ATE1: variants seen among roughly 807,000 people sequenced by gnomAD.
ATE1 encodes the protein arginyl-tRNA--protein transferase 1.
In ATE1, 36 loss-of-function variants were observed where a neutral mutation model predicts 70.5. That is an observed-to-expected ratio of 0.51 (90% CI 0.39 to 0.67). ATE1 has a LOEUF of 0.67. Ranked by LOEUF, ATE1 falls within the 30% of genes least tolerant of loss-of-function variation. The pLI is 0.00. For synonymous variants in ATE1, 232 were observed against 219.3 expected (o/e 1.06, Z -0.51); for missense variants, 593 against 629.5 (o/e 0.94, Z 0.62).
chr10:121,893,327 C>T (rs1389583717), intron 7 of ATE1, among the ~76,000 whole-genome samples: 1 of 149,858 alleles, frequency 6.7e-6, no homozygotes, highest in Non-Finnish European at 1.5e-5. Context: ...GATAATTGTA[C>T]CATTGGGACA....
Position 121,790,166 on chromosome 10 carries a change from T to A in ATE1, c.1378+3A>T, listed in dbSNP as rs1303297242. 1 of 1,613,668 alleles carries A rather than the reference T, an allele frequency of 6.2e-7. No individual in the cohort carries two copies. The highest frequency in any genetic ancestry group is 1.3e-5 in the African/African-American group (1 of 74,880). On this transcript the variant is annotated splice_donor_region_variant and intron_variant, in intron 11 of 11. Transcript: ENST00000224652. ...TTCCAGCTGAGCTCAGCTCCAAACA[T>A]ACCTGCTTCTGGGTCCTGGTTGAAA... is the stretch of plus-strand genomic sequence containing the variant.
At chr10:121,876,914 C>T (rs1448689067) in intron 7 of ATE1, among the ~76,000 whole-genome samples, 1 of 149,234 alleles carries the variant, frequency 6.7e-6, no homozygotes, top group Admixed American at 6.7e-5. Flanking sequence ...TGCAGTGAGC[C>T]GAGATAGCGC....
intron 10 of ATE1, among the ~76,000 whole-genome samples, chr10:121,802,591 G>A (rs900625684): frequency 6.6e-6 from 1 of 152,182 alleles, no homozygotes; most frequent in African/African-American, 2.4e-5. Flanking sequence ...TTACAGGCGT[G>A]AGCCACCGCA....
At chr10:121,766,886 A>C (rs920259421) in intron 11 of ATE1, among the ~76,000 whole-genome samples, 5 of 152,202 alleles carry the variant, frequency 3.3e-5, no homozygotes, top group African/African-American at 1.2e-4. Context: ...AAATTCGAAC[A>C]AACATTTAAA....
At chr10:121,804,874 G>A (rs188902478) in intron 10 of ATE1, among the ~76,000 whole-genome samples, 3 of 152,080 alleles carry the variant, frequency 2.0e-5, no homozygotes, top group Non-Finnish European at 4.4e-5. Flanking sequence ...CACAACCATA[G>A]CAGTTTATGA....
chr10:121,750,420 C>T (rs1453938400), intron 11 of ATE1, among the ~76,000 whole-genome samples: 3 of 152,202 alleles, frequency 2.0e-5, no homozygotes, highest in Non-Finnish European at 2.9e-5. Flanking sequence ...CAACCAAAGG[C>T]AATCCTGCAA....
chr10:121,926,608 A>G, intron 1 of ATE1: 1 of 562,712 alleles, frequency 1.8e-6, no homozygotes, highest in Non-Finnish European at 2.3e-6. Context: ...ATAAGTAATG[A>G]CCTATTAAAA....
At position 121,745,351 on chromosome 10, in the gene ATE1, G is replaced by A. The variant is rs537977180; in HGVS notation, c.1379-1493C>T. Among the ~76,000 whole-genome samples the A allele has an allele frequency of 1.2e-4, 19 of 152,106 alleles. No individual in the cohort carries two copies. The South Asian group carries it at 2.7e-3, about 22-fold the overall frequency. On this transcript the variant is annotated intron_variant, in intron 11 of 11. Transcript: ENST00000224652. ...ATACCAAAGCCTGGATCCCCTCCCC[G>A]GAGATCCTAATACAAAAACTACTCT...
At chr10:121,816,785 A>G (rs1282508503) in intron 10 of ATE1, among the ~76,000 whole-genome samples, 1 of 152,226 alleles carries the variant, frequency 6.6e-6, no homozygotes, top group Non-Finnish European at 1.5e-5. Flanking sequence ...TTTGTAAATC[A>G]AACTATTTGT....
Position 121,809,897 on chromosome 10 carries a change from C to CA in ATE1, c.1258-19609dup, listed in dbSNP as rs1947250046. Among the ~76,000 whole-genome samples the CA allele has an allele frequency of 5.4e-5, 8 of 148,446 alleles. No homozygotes were observed. In the South Asian group the frequency reaches 1.5e-3, roughly 28 times the overall value. ...GAAAGCCACAAAAAACAAAACAAAA[C>CA]AAAACAAAAAAAAAAACAATGCACC... On this transcript the variant is annotated intron_variant, in intron 10 of 11. Transcript: ENST00000224652.
chr10:121,767,945 C>T (rs1212752758), intron 11 of ATE1, among the ~76,000 whole-genome samples: 1 of 152,188 alleles, frequency 6.6e-6, no homozygotes, highest in Non-Finnish European at 1.5e-5. Flanking sequence ...CAGCATCATT[C>T]ACAATAGCCA....
intron 1 of ATE1, among the ~76,000 whole-genome samples, chr10:121,924,531 T>G (rs1261866111): frequency 1.3e-5 from 2 of 152,056 alleles, no homozygotes; most frequent in East Asian, 3.9e-4. Context: ...AAACCCCATC[T>G]CTACTAAAAA....
chr10:121,838,756 T>C (rs1479315280), intron 9 of ATE1, among the ~76,000 whole-genome samples: 1 of 152,116 alleles, frequency 6.6e-6, no homozygotes, highest in Non-Finnish European at 1.5e-5. Flanking sequence ...TGTATCTTTC[T>C]AAAAATATGC....
intron 8 of ATE1, among the ~76,000 whole-genome samples, chr10:121,865,107 T>C (rs1366039285): frequency 5.3e-5 from 8 of 152,242 alleles, no homozygotes; most frequent in Non-Finnish European, 1.2e-4. Flanking sequence ...TGTCACATAC[T>C]AGTAGCTGTG....
chr10:121,920,369 A>T (rs530366273), intron 3 of ATE1, among the ~76,000 whole-genome samples: 10 of 144,878 alleles, frequency 6.9e-5, no homozygotes, highest in South Asian at 4.2e-4. Context: ...CCTTTTCTAT[A>T]AAAAAAAATG....
At chr10:121,751,854 T>C (rs1944592439) in intron 11 of ATE1, among the ~76,000 whole-genome samples, 1 of 152,172 alleles carries the variant, frequency 6.6e-6, no homozygotes, top group East Asian at 1.9e-4. Context: ...CTGTGCTTTT[T>C]GTATCATATC....
At chr10:121,812,616 C>A (rs1484545583) in intron 10 of ATE1, among the ~76,000 whole-genome samples, 1 of 151,934 alleles carries the variant, frequency 6.6e-6, no homozygotes, top group Non-Finnish European at 1.5e-5. Flanking sequence ...TATTATGGTC[C>A]CTAAAAAATT....
chr10:121,788,197 G>C (rs1946291669), intron 11 of ATE1, among the ~76,000 whole-genome samples: 1 of 151,952 alleles, frequency 6.6e-6, no homozygotes, highest in South Asian at 2.1e-4. Flanking sequence ...ATTGCCTTTG[G>C]CTCTGAGCCT....
At chr10:121,763,451 A>G (rs1039595700) in intron 11 of ATE1, among the ~76,000 whole-genome samples, 1 of 152,240 alleles carries the variant, frequency 6.6e-6, no homozygotes, top group Admixed American at 6.5e-5. Flanking sequence ...CAAGCCACAT[A>G]AAGATATGGG....
Sources: gnomAD v4.1 joint callset for allele counts (sites outside exome capture counted in the v4.1 genomes callset) on GRCh38, gnomAD v4.1.1 for gene constraint, MANE v1.5 for transcripts, NCBI Gene and HGNC (gene_info 2026-07-23, HGNC 2026-07-21) for gene names.